The following KCNK12 variants were observed in gnomAD, a reference collection of about 807,000 sequenced individuals.
KCNK12 encodes the protein potassium two pore domain channel subfamily K member 12, also known as potassium channel subfamily K member 12.
A neutral mutation model predicts 25.3 loss-of-function variants in KCNK12; 6 were observed. The ratio of observed to expected loss-of-function variants is 0.24; its 90% CI spans 0.13 to 0.47. The LOEUF is 0.47. Among genes scored for constraint, KCNK12 ranks in the 20% least tolerant of loss-of-function variants. The pLI, the probability that KCNK12 is intolerant of heterozygous loss-of-function variation, is 0.99. For synonymous variants in KCNK12, 331 were observed against 311.1 expected, an observed-to-expected ratio of 1.06 and a Z score of -0.67; for missense variants, 444 against 661.7, an observed-to-expected ratio of 0.67 and a Z score of 3.61.
chr2:47,531,731 A>G (rs1300879090), intron 1 of KCNK12, among the ~76,000 whole-genome samples: 1 of 152,204 alleles, frequency 6.6e-6, no homozygotes, highest in Non-Finnish European at 1.5e-5. Flanking sequence ...CCAAAGGTTA[A>G]GGCGTAAAAA....
chr2:47,546,806 A>G (rs1349520631), intron 1 of KCNK12, among the ~76,000 whole-genome samples: 1 of 152,218 alleles, frequency 6.6e-6, no homozygotes, highest in Admixed American at 6.5e-5. Context: ...CAGAGGGTTT[A>G]CAGTGGAAGG....
In KCNK12 at chr2:47,517,733, G is replaced by T. The variant is rs935797813; in HGVS notation, c.*3174C>A. The T allele has an allele frequency of 3.9e-5, 6 of 152,112 alleles. No individual in the cohort carries two copies. The highest frequency in any genetic ancestry group is 9.7e-5 in the African/African-American group (4 of 41,408). The allele number at this position is 152,112 out of a possible 1,614,324, so 9.4% of individuals were successfully genotyped here. ...ACTGCTTCATTCAGAGGACACAAAGGCCTGACCACCTGGCTTTAGCAAGCT... is the reference window on the plus strand; with the variant it reads ...ACTGCTTCATTCAGAGGACACAAAGTCCTGACCACCTGGCTTTAGCAAGCT... On this transcript the variant is annotated 3_prime_UTR_variant, in exon 2 of 2. Coordinates refer to ENST00000327876, the MANE Select transcript of KCNK12 (RefSeq NM_022055.2). This position sits in a 1 kb window ranked among gnomAD's most constrained non-coding sequence, Gnocchi z 4.1.
chr2:47,567,472 T>C (rs927443570), intron 1 of KCNK12, among the ~76,000 whole-genome samples: 1 of 152,088 alleles, frequency 6.6e-6, no homozygotes, highest in Non-Finnish European at 1.5e-5. Context: ...AGATCTTTAC[T>C]TAAACCTCAT....
intron 1 of KCNK12, among the ~76,000 whole-genome samples, chr2:47,522,833 A>T (rs1378211046): frequency 6.6e-6 from 1 of 152,202 alleles, no homozygotes; most frequent in Non-Finnish European, 1.5e-5. Flanking sequence ...AGTCTTACAT[A>T]CTAGAATAGC....
Position 47,512,333 on chromosome 2 carries a change from T to G in KCNK12, c.*8574A>C. 3 of 1,612,650 alleles carry G rather than the reference T, an allele frequency of 1.9e-6. No individual in the cohort carries two copies. Among genetic ancestry groups the G allele is most frequent in the Non-Finnish European group, 2.5e-6 (3 of 1,179,826 alleles). On this transcript the variant is annotated 3_prime_UTR_variant, in exon 2 of 2. Transcript: ENST00000327876. ...CAGAGTGACAGAGCCAAAAGACCAG[T>G]GCCTCATTTTGCTGACATGGAAAAG...
rs1558569105 is a variant in KCNK12 at position 47,570,353 on chromosome 2, G to T, written c.-22C>A. 4.9e-6 allele frequency: 6 copies of T among 1,227,112 alleles called. No homozygotes were observed. The South Asian group carries it at 1.8e-4, about 36-fold the overall frequency. 76.0% of individuals were successfully genotyped at this position (1,227,112 alleles called of 1,614,324 possible). A position where few individuals can be genotyped will look rare whatever the true frequency, so the allele number is the denominator to read the frequency against. ...ACATGGTCCGGAGCTCAGCCCCGGG[G>T]CCGGGGCGGCGCTCGGGGCCCGGGC... On this transcript the variant is annotated 5_prime_UTR_variant, in exon 1 of 2. Transcript: ENST00000327876.
rs575684043 is a variant in KCNK12 at position 47,540,345 on chromosome 2, T to C, written c.392-18537A>G. Among the ~76,000 whole-genome samples the C allele has an allele frequency of 6.6e-6, 1 of 152,300 alleles. No individual in the cohort carries two copies. The highest frequency in any genetic ancestry group is 2.1e-4 in the South Asian group (1 of 4,826). ...AGTCACTGTGCCAGGGGGCTGAGTGTCCGGCCTGGGACGTGAGAGGGCATG... is the reference window on the plus strand; with the variant it reads ...AGTCACTGTGCCAGGGGGCTGAGTGCCCGGCCTGGGACGTGAGAGGGCATG... On this transcript the variant is annotated intron_variant, in intron 1 of 1. Coordinates refer to ENST00000327876, the MANE Select transcript of KCNK12 (RefSeq NM_022055.2). This position sits in a 1 kb window ranked among gnomAD's most constrained non-coding sequence, Gnocchi z 5.4.
In KCNK12 at chr2:47,540,523, C is replaced by T. The variant is rs190098466; in HGVS notation, c.392-18715G>A. Among the ~76,000 whole-genome samples the T allele has an allele frequency of 1.3e-3, 195 of 152,348 alleles. 1 individual carries two copies. The highest frequency in any genetic ancestry group is 0.012 in the Admixed American group (184 of 15,302). ...CAGAAGTGCCTTCAGTCAGATTTAG[C>T]GCTCCATCTTCTGCCTTTCTGAAGG... On this transcript the variant is annotated intron_variant, in intron 1 of 1. Transcript: ENST00000327876. The surrounding 1 kb of genome is among the most constrained non-coding windows in gnomAD (Gnocchi z 5.4).
At chr2:47,550,018 A>C (rs1420508334) in intron 1 of KCNK12, among the ~76,000 whole-genome samples, 1 of 152,174 alleles carries the variant, frequency 6.6e-6, no homozygotes, top group African/African-American at 2.4e-5. Flanking sequence ...CTGCTGAAAA[A>C]GGTTGAACTT....
intron 1 of KCNK12, among the ~76,000 whole-genome samples, chr2:47,532,901 T>C (rs542595263): frequency 3.0e-4 from 46 of 152,364 alleles, no homozygotes; most frequent in African/African-American, 1.0e-3. Context: ...ACAGGGACGG[T>C]GGTTTCAGGC....
intron 1 of KCNK12, chr2:47,527,607 A>T (rs1668815017): frequency 6.6e-6 from 1 of 151,784 alleles, no homozygotes. Flanking sequence ...GCCTCTTCTG[A>T]CTCCTCCAAA....
chr2:47,543,858 A>G (rs1669254049), intron 1 of KCNK12: 1 of 152,248 alleles, frequency 6.6e-6, no homozygotes, highest in African/African-American at 2.4e-5. Flanking sequence ...TCTGCCAAGG[A>G]TTGAGACATC....
intron 1 of KCNK12, among the ~76,000 whole-genome samples, chr2:47,567,614 C>G (rs889728978): frequency 1.3e-5 from 2 of 152,346 alleles, no homozygotes; most frequent in East Asian, 1.9e-4. Context: ...GGGCAATAAT[C>G]AGCAGAGACC....
intron 1 of KCNK12, among the ~76,000 whole-genome samples, chr2:47,559,431 G>A (rs922762694): frequency 6.6e-6 from 1 of 152,170 alleles, no homozygotes; most frequent in Non-Finnish European, 1.5e-5. Flanking sequence ...CAGCAGTCCA[G>A]GGTTTTCAGT....
At chr2:47,523,492 C>T (rs1236374027) in intron 1 of KCNK12, among the ~76,000 whole-genome samples, 1 of 152,220 alleles carries the variant, frequency 6.6e-6, no homozygotes, top group South Asian at 2.1e-4. Context: ...AGGCCCTTAT[C>T]GTTGTTAACT....
chr2:47,536,866 C>T (rs963486603), intron 1 of KCNK12, among the ~76,000 whole-genome samples: 32 of 152,224 alleles, frequency 2.1e-4, no homozygotes, highest in African/African-American at 6.8e-4. Context: ...AACGACATAG[C>T]GAGGCCAAGC....
intron 1 of KCNK12, among the ~76,000 whole-genome samples, chr2:47,541,779 A>G (rs1164509290): frequency 2.0e-5 from 3 of 152,190 alleles, no homozygotes; most frequent in Non-Finnish European, 4.4e-5. Flanking sequence ...CCAAGGAGAG[A>G]GTCCTCAGGA....
rs146492136 is a variant in KCNK12 at position 47,537,041 on chromosome 2, G to T, written c.392-15233C>A. Among the ~76,000 whole-genome samples the T allele has an allele frequency of 7.6e-3, 1,160 of 152,310 alleles. 13 individuals carry two copies. The highest frequency in any genetic ancestry group is 0.025 in the African/African-American group (1,040 of 41,550). On this transcript the variant is annotated intron_variant, in intron 1 of 1. Coordinates refer to ENST00000327876, the MANE Select transcript of KCNK12 (RefSeq NM_022055.2). ...TCCATCTTGGTCATAAGGCGGCCTT[G>T]CCTGATCAGGGGTTCTGTGAAATGC...
At chr2:47,559,426 G>A (rs4610095) in intron 1 of KCNK12, among the ~76,000 whole-genome samples, 4 of 152,200 alleles carry the variant, frequency 2.6e-5, no homozygotes, top group African/African-American at 7.2e-5. Context: ...ATTTCCAGCA[G>A]TCCAGGGTTT....
Sources: allele counts gnomAD v4.1 joint callset (sites outside exome capture counted in the v4.1 genomes callset), GRCh38; gene constraint gnomAD v4.1.1; non-coding constraint Gnocchi (gnomAD v3.1); transcripts MANE v1.5; gene names NCBI Gene and HGNC (gene_info 2026-07-23, HGNC 2026-07-21).